LSP1: variants seen among roughly 807,000 people sequenced by gnomAD.
LSP1 encodes lymphocyte-specific protein 1.
A neutral mutation model predicts 49.3 loss-of-function variants in LSP1; 32 were observed. The ratio of observed to expected loss-of-function variants is 0.65; its 90% CI spans 0.49 to 0.87. The LOEUF (loss-of-function observed/expected upper bound fraction) is 0.87. LSP1 is among the 40% of genes least tolerant of loss of function. LSP1 has a pLI of 0.00. For synonymous variants in LSP1, 179 were observed against 178.8 expected (o/e 1.00, Z -0.01); for missense variants, 428 against 442.6 (o/e 0.97, Z 0.30).
At chr11:1,869,897 A>T (rs887782111) in intron 1 of LSP1, among the ~76,000 whole-genome samples, 1 of 151,006 alleles carries the variant, frequency 6.6e-6, no homozygotes, top group African/African-American at 2.4e-5. Context: ...CAGGAGCAGC[A>T]CCTCTTCTGG....
chr11:1,871,932 G>A (rs1848033233), intron 1 of LSP1, among the ~76,000 whole-genome samples: 1 of 149,972 alleles, frequency 6.7e-6, no homozygotes, highest in Non-Finnish European at 1.5e-5. Flanking sequence ...GAGGGGGGGT[G>A]TGTGGCGGGC....
Position 1,873,852 on chromosome 11 carries a change from AGGAGGGAG to A in LSP1, c.54-6233_54-6226del, listed in dbSNP as rs1281271015. Among the ~76,000 whole-genome samples, 49 of 133,202 alleles carry A rather than the reference AGGAGGGAG, an allele frequency of 3.7e-4. 1 individual carries two copies. The highest frequency in any genetic ancestry group is 6.4e-4 in the African/African-American group (22 of 34,394). The allele number at this position is 133,202 out of a possible 152,430, so 87.4% of individuals were successfully genotyped here. A position where few individuals can be genotyped will look rare whatever the true frequency, so the allele number is the denominator to read the frequency against. ...GCCGGCAGAGGAGGGAGGCCGGCAGAGGAGGGAGGCTGGCAGAGGAGGGAGGCTGGCAG... is the reference window on the plus strand; with the variant it reads ...GCCGGCAGAGGAGGGAGGCCGGCAGAGCTGGCAGAGGAGGGAGGCTGGCAG... On this transcript the variant is annotated intron_variant, in intron 1 of 10. Transcript: ENST00000311604.
chr11:1,880,297 G>A, intron 2 of LSP1, 73 bp downstream of exon 2: 3 of 1,444,846 alleles, frequency 2.1e-6, no homozygotes, highest in African/African-American at 2.9e-5. Flanking sequence ...CAGAGGGGGA[G>A]GTCAAGGGCC....
intron 1 of LSP1, 99 bp downstream of exon 1, chr11:1,853,296 A>T: frequency 7.4e-7 from 1 of 1,343,458 alleles, no homozygotes; most frequent in Non-Finnish European, 1.0e-6. Context: ...CCTGATGGGG[A>T]ATCTGGGGCC....
At chr11:1,866,165 C>A (rs1409874097) in intron 1 of LSP1, among the ~76,000 whole-genome samples, 1 of 152,190 alleles carries the variant, frequency 6.6e-6, no homozygotes, top group Admixed American at 6.5e-5. Flanking sequence ...GGCTTTTAAG[C>A]CAAACTGAAA....
intron 1 of LSP1, chr11:1,871,014 GGCACCGAGTGGGGCTGCATGTAGAC>G: frequency 2.0e-6 from 2 of 985,646 alleles, no homozygotes; most frequent in Non-Finnish European, 2.4e-6. Context: ...GCGGGAAGCA[GGCACCGAGTGGGGCTGCATGTAGAC>G]GCATGCGAGG....
chr11:1,860,926 T>G (rs1847613508), intron 1 of LSP1, among the ~76,000 whole-genome samples: 1 of 152,048 alleles, frequency 6.6e-6, no homozygotes, highest in African/African-American at 2.4e-5. Context: ...TCAGGAGAAG[T>G]AGACATATGG....
intron 1 of LSP1, among the ~76,000 whole-genome samples, chr11:1,861,322 TTATG>T (rs1356564893): frequency 6.6e-6 from 1 of 152,254 alleles, no homozygotes; most frequent in Non-Finnish European, 1.5e-5. Flanking sequence ...CTTTATTTAT[TTATG>T]TGTTTGTTCC....
intron 1 of LSP1, chr11:1,866,505 G>A (rs781120168): frequency 6.6e-7 from 1 of 1,507,202 alleles, no homozygotes; most frequent in Non-Finnish European, 8.9e-7. Context: ...ACCTGGCAGG[G>A]TCTCCGGCTG....
intron 10 of LSP1, chr11:1,889,682 G>A: frequency 1.6e-6 from 1 of 635,422 alleles, no homozygotes; most frequent in South Asian, 1.8e-5. Context: ...CAGCGGCGGG[G>A]CCAGCCATCG....
intron 7 of LSP1, among the ~76,000 whole-genome samples, chr11:1,886,072 A>G (rs567925603): frequency 6.8e-4 from 103 of 151,312 alleles, no homozygotes; most frequent in South Asian, 1.7e-3. Flanking sequence ...CCATCCAACC[A>G]ATACTTCCCC....
Position 1,853,203 on chromosome 11 carries a change from G to C in LSP1, c.53+6G>C, listed in dbSNP as rs767654832. ...GAGCGGGAAGAGTTGCTGGGGTAAGGGTCTGCGGCGACGCCCGGCGCCCTG... is the reference window on the plus strand; with the variant it reads ...GAGCGGGAAGAGTTGCTGGGGTAAGCGTCTGCGGCGACGCCCGGCGCCCTG... On this transcript the variant is annotated splice_donor_region_variant and intron_variant, in intron 1 of 10. Transcript: ENST00000311604. The C allele has an allele frequency of 2.2e-5, 35 of 1,608,380 alleles. No individual in the cohort carries two copies. The highest frequency in any genetic ancestry group is 2.8e-5 in the Non-Finnish European group (33 of 1,178,854).
chr11:1,866,662 A>C (rs1314295624), intron 1 of LSP1: 1 of 1,549,522 alleles, frequency 6.5e-7, no homozygotes, highest in Non-Finnish European at 8.7e-7. Context: ...CTCCCTGCCC[A>C]ACGGGAATGT....
At chr11:1,889,052 C>G (rs1269202142) in intron 10 of LSP1, 1 of 576,660 alleles carries the variant, frequency 1.7e-6, no homozygotes, top group African/African-American at 1.9e-5. Flanking sequence ...CCTGGTGCAT[C>G]TTCATGCAGC....
rs1261074251 is a variant in LSP1, at chr11:1,887,298, C to G, written c.914C>G (p.Thr305Ser). 2 of 1,602,796 alleles carry G rather than the reference C, an allele frequency of 1.2e-6. No individual in the cohort carries two copies. Among genetic ancestry groups the G allele is most frequent in the South Asian group, 1.1e-5 (1 of 89,878 alleles). ...TGGGAGCAGAAGGGAGGCTCCAAGA[C>G]CTCATCAACAATTAAGGTAGAGCCT... ...SLWEQKGGSK[T>S]SSTIKSTPSG... is the part of the protein sequence containing the mutation. The change falls in exon 9 of 11, where the codon ACC (threonine) becomes AGC (serine). Residue 305 changes from threonine (T) to serine (S), a missense_variant. Transcript: ENST00000311604.
chr11:1,858,410 C>T (rs902264152), intron 1 of LSP1, among the ~76,000 whole-genome samples: 6 of 152,222 alleles, frequency 3.9e-5, no homozygotes, highest in East Asian at 1.9e-4. Context: ...TCCCGAAAAG[C>T]GGAACTGGGA....
At chr11:1,887,200 G>A (rs1475289545) in intron 8 of LSP1, 37 bp from the exon 9 acceptor site, 4 of 1,408,676 alleles carry the variant, frequency 2.8e-6, no homozygotes, top group Non-Finnish European at 2.9e-6. Flanking sequence ...AAGATCCAGG[G>A]GTCTGCCCTT....
chr11:1,864,158 G>C (rs1847714392), intron 1 of LSP1: 5 of 985,582 alleles, frequency 5.1e-6, no homozygotes, highest in Non-Finnish European at 6.0e-6. Flanking sequence ...AGAGAGGAGA[G>C]AGGGGCTGAG....
At chr11:1,871,418 G>A (rs767442185) in intron 1 of LSP1, 51 of 986,212 alleles carry the variant, frequency 5.2e-5, no homozygotes, top group Non-Finnish European at 6.0e-5. Flanking sequence ...AAGAGGTAGG[G>A]CACCCAGCGC....
Sources: gnomAD v4.1 joint callset for allele counts (sites outside exome capture counted in the v4.1 genomes callset) on GRCh38, gnomAD v4.1.1 for gene constraint, MANE v1.5 for transcripts, NCBI Gene and HGNC (gene_info 2026-07-23, HGNC 2026-07-21) for gene names.